Variants in SRP19 observed in about 807,000 individuals in gnomAD.
The protein encoded by SRP19 is signal recognition particle 19 kDa protein.
Under a neutral mutation model 22.4 loss-of-function variants are expected in SRP19, and 11 were observed. The observed-to-expected ratio is 0.49, with a 90% confidence interval of 0.31 to 0.81. The LOEUF is 0.81. Ranked by LOEUF, SRP19 falls within the 40% of genes least tolerant of loss-of-function variation. The probability of loss-of-function intolerance (pLI) is 0.05; values close to 1 mark genes in which losing one functional copy is unlikely to be tolerated. For missense variants in SRP19, 168 were observed against 175.9 expected (o/e 0.96, Z 0.25); for synonymous variants, 61 against 57.6 (o/e 1.06, Z -0.27).
At chr5:112,882,935 T>A (rs959808274) in intron 4 of SRP19, among the ~76,000 whole-genome samples, 1 of 152,162 alleles carries the variant, frequency 6.6e-6, no homozygotes, top group African/African-American at 2.4e-5. Flanking sequence ...GCTCACAGCA[T>A]ACCATAAAAC....
chr5:112,869,341 G>A lies in SRP19; in HGVS notation c.*1804G>A, dbSNP rs1767704473. ...TCTGGCAAGCAGTTCTCCCACCTTA[G>A]CCTCCCAAGTAGCTGAGACCATAGG... On this transcript the variant is annotated 3_prime_UTR_variant, in exon 5 of 5. Transcript: ENST00000505459. The A allele has an allele frequency of 6.6e-6, 1 of 152,198 alleles. No homozygotes were observed. The highest frequency in any genetic ancestry group is 1.5e-5 in the Non-Finnish European group (1 of 68,050). The allele number at this position is 152,198 out of a possible 1,614,324, so 9.4% of individuals were successfully genotyped here. A position where few individuals can be genotyped will look rare whatever the true frequency, so the allele number is the denominator to read the frequency against.
chr5:112,862,866 G>T (rs1767460461), intron 2 of SRP19, among the ~76,000 whole-genome samples: 1 of 152,206 alleles, frequency 6.6e-6, no homozygotes. Context: ...CAAAGGTTAT[G>T]ACGGTGTTTC....
chr5:112,896,077 G>A (rs920461095), downstream of SRP19: 4 of 152,630 alleles, frequency 2.6e-5, no homozygotes, highest in African/African-American at 7.2e-5. Flanking sequence ...ATGCAGTTAC[G>A]GAACTGAGAG....
In SRP19 at chr5:112,867,943, G is replaced by T; in HGVS notation, c.*406G>T. 1 of 988,162 alleles carries T rather than the reference G, an allele frequency of 1.0e-6. No individual in the cohort carries two copies. Among genetic ancestry groups the T allele is most frequent in the Non-Finnish European group, 1.2e-6 (1 of 831,474 alleles). 61.2% of individuals were successfully genotyped at this position (988,162 alleles called of 1,614,324 possible). A position where few individuals can be genotyped will look rare whatever the true frequency, so the allele number is the denominator to read the frequency against. ...TTTTGCTTATATACTAATGCTAGGA[G>T]AGGAGGGATAATTAAGAATAAAATA... On this transcript the variant is annotated 3_prime_UTR_variant, in exon 5 of 5. Coordinates refer to ENST00000505459, the MANE Select transcript of SRP19 (RefSeq NM_003135.3).
At chr5:112,862,681 A>C (rs1161511829) in intron 2 of SRP19, 98 bp downstream of exon 2, 1 of 1,033,554 alleles carries the variant, frequency 9.7e-7, no homozygotes, top group Non-Finnish European at 1.5e-6. Flanking sequence ...GGTTCTCTTC[A>C]CTGCATTTAT....
At chr5:112,872,877 G>A (rs1336863641), downstream of SRP19, among the ~76,000 whole-genome samples, 1 of 152,096 alleles carries the variant, frequency 6.6e-6, no homozygotes. Context: ...CTTAGACCTT[G>A]CATATTTGAA....
exon 5 of SRP19, chr5:112,892,621 G>A (rs754899385): frequency 6.2e-7 from 1 of 1,614,072 alleles, no homozygotes; most frequent in Admixed American, 1.7e-5. Context: ...ATGTCCAAGA[G>A]GAAAACACTG....
chr5:112,891,645 T>C (rs1479891687), exon 5 of SRP19: 1 of 1,606,138 alleles, frequency 6.2e-7, no homozygotes, highest in African/African-American at 1.3e-5. Flanking sequence ...GCAAGATGGC[T>C]GCACTTGAGA....
chr5:112,875,409 C>T (rs1268908942), intron 4 of SRP19, among the ~76,000 whole-genome samples: 6 of 151,652 alleles, frequency 4.0e-5, no homozygotes, highest in Admixed American at 2.6e-4. Flanking sequence ...GGCCCTGTCG[C>T]CCAGGCTGGA....
intron 4 of SRP19, among the ~76,000 whole-genome samples, chr5:112,874,914 T>G (rs1767861063): frequency 6.6e-6 from 1 of 152,062 alleles, no homozygotes; most frequent in African/African-American, 2.4e-5. Flanking sequence ...TAGCTGGGAT[T>G]ACAGGAATGC....
At chr5:112,877,347 T>TA (rs1259867601) in intron 4 of SRP19, 1 of 152,218 alleles carries the variant, frequency 6.6e-6, no homozygotes, top group Non-Finnish European at 1.5e-5. Flanking sequence ...TTAATCTTGT[T>TA]AGTTTAGTTA....
At chr5:112,874,357 T>C, downstream of SRP19, among the ~76,000 whole-genome samples, 1 of 152,012 alleles carries the variant, frequency 6.6e-6, no homozygotes, top group African/African-American at 2.4e-5. Flanking sequence ...GGCTCCATAC[T>C]AGGATCCATA....
chr5:112,878,775 T>C lies in SRP19; in HGVS notation c.302-12828T>C, dbSNP rs753760144. On this transcript the variant is annotated intron_variant, in intron 4 of 4. Coordinates refer to the SRP19 transcript ENST00000391338. ...GTACAGAGAGGGCAGGAAGTTTCCA[T>C]CCAGTCTGGTTTAGGTGCTCTTCTT... 9.9e-6 allele frequency: 16 copies of C among 1,614,114 alleles called. No individual in the cohort carries two copies. The South Asian group carries it at 1.6e-4, about 17-fold the overall frequency.
In SRP19 at chr5:112,867,369, C is replaced by G. The variant is rs767535808; in HGVS notation, c.302-35C>G. 7 of 1,580,748 alleles carry G rather than the reference C, an allele frequency of 4.4e-6. No individual in the cohort carries two copies. The South Asian group carries it at 8.2e-5, about 18-fold the overall frequency. On this transcript the variant is annotated intron_variant, in intron 4 of 4. Transcript: ENST00000505459. ...TGATGACTTTTTATGTCTTATTTCTCAGATTATACACTAAGCCTAACTTCT... is the reference window on the plus strand; with the variant it reads ...TGATGACTTTTTATGTCTTATTTCTGAGATTATACACTAAGCCTAACTTCT...
chr5:112,872,564 A>G (rs980479027), downstream of SRP19, among the ~76,000 whole-genome samples: 4 of 152,056 alleles, frequency 2.6e-5, no homozygotes, highest in Admixed American at 1.3e-4. Context: ...CCTGGCCTCA[A>G]GTGATCCGCA....
intron 4 of SRP19, among the ~76,000 whole-genome samples, chr5:112,883,759 G>T (rs1308120641): frequency 6.6e-6 from 1 of 152,034 alleles, no homozygotes; most frequent in Admixed American, 6.6e-5. Context: ...CAAATGTCCA[G>T]GACTAAATTC....
chr5:112,876,545 C>T (rs1767900723), intron 4 of SRP19: 1 of 152,154 alleles, frequency 6.6e-6, no homozygotes, highest in Non-Finnish European at 1.5e-5. Context: ...TGATTGAAGC[C>T]TTCAGGTAAG....
chr5:112,892,183 A>G (rs1426542558), exon 5 of SRP19: 5 of 1,614,238 alleles, frequency 3.1e-6, no homozygotes, highest in South Asian at 1.1e-5. Context: ...CTTCTACAGT[A>G]AAACAGGAGC....
At chr5:112,863,527 C>G (rs146270234) in intron 2 of SRP19, among the ~76,000 whole-genome samples, 1 of 152,132 alleles carries the variant, frequency 6.6e-6, no homozygotes, top group South Asian at 2.1e-4. Context: ...AAAAATGTCT[C>G]CAAGCATTGC....
Sources: gnomAD v4.1 joint callset for allele counts (sites outside exome capture counted in the v4.1 genomes callset) on GRCh38, gnomAD v4.1.1 for gene constraint, MANE v1.5 for transcripts, NCBI Gene and HGNC (gene_info 2026-07-23, HGNC 2026-07-21) for gene names.